Variants in PALM2AKAP2 observed in about 807,000 individuals in gnomAD.
PALM2AKAP2 encodes the protein PALM2-AKAP2 fusion protein.
In PALM2AKAP2, 37 loss-of-function variants were observed where a neutral mutation model predicts 71.5. That is an observed-to-expected ratio of 0.52 (90% CI 0.40 to 0.68). The LOEUF (loss-of-function observed/expected upper bound fraction) is 0.68. PALM2AKAP2 is among the 30% of genes least tolerant of loss of function. The pLI, the probability that PALM2AKAP2 is intolerant of heterozygous loss-of-function variation, is 0.00. For synonymous variants in PALM2AKAP2, 468 were observed against 478.8 expected, an observed-to-expected ratio of 0.98 and a Z score of 0.29; for missense variants, 1,224 against 1,191.8, an observed-to-expected ratio of 1.03 and a Z score of -0.40.
Position 109,692,935 on chromosome 9 carries a change from C to T in PALM2AKAP2, c.5+52069C>T, listed in dbSNP as rs545747543. ...CCTCCATCTCTCTTTTCTCTCCTTC[C>T]TTTCCTTCCTTTCTTTTTCTTCTTT... On this transcript the variant is annotated intron_variant, in intron 1 of 6. Transcript: ENST00000374531. 3.3e-5 allele frequency among the ~76,000 whole-genome samples: 5 copies of T among 151,668 alleles called. No individual in the cohort carries two copies. In the East Asian group the frequency reaches 5.8e-4, roughly 18 times the overall value.
At chr9:109,930,234 T>G (rs1240160150) in intron 5 of PALM2AKAP2, among the ~76,000 whole-genome samples, 1 of 152,052 alleles carries the variant, frequency 6.6e-6, no homozygotes, top group Non-Finnish European at 1.5e-5. Context: ...AAATCTATTT[T>G]TTTTTTTTTG....
chr9:109,826,525 T>C (rs1320056584), intron 1 of PALM2AKAP2, among the ~76,000 whole-genome samples: 4 of 152,194 alleles, frequency 2.6e-5, no homozygotes, highest in African/African-American at 9.7e-5. Flanking sequence ...TTTTAGAAGA[T>C]AGTGATGCTA....
chr9:110,074,233 TC>T, intron 1 of PALM2AKAP2, among the ~76,000 whole-genome samples: 1 of 152,158 alleles, frequency 6.6e-6, no homozygotes, highest in African/African-American at 2.4e-5. Flanking sequence ...ACACCTATAA[TC>T]CTAGCTACTT....
At chr9:109,768,911 A>G (rs941762759) in intron 1 of PALM2AKAP2, among the ~76,000 whole-genome samples, 3 of 152,170 alleles carry the variant, frequency 2.0e-5, no homozygotes, top group Non-Finnish European at 4.4e-5. Flanking sequence ...CTTGCACCTA[A>G]GAGTTTGAGA....
intron 1 of PALM2AKAP2, among the ~76,000 whole-genome samples, chr9:109,798,306 G>A (rs1223117778): frequency 2.0e-5 from 3 of 152,130 alleles, no homozygotes; most frequent in East Asian, 1.9e-4. Flanking sequence ...ATATCTTTCT[G>A]GGGACAGGGT....
chr9:109,736,595 T>C (rs1417311110), intron 1 of PALM2AKAP2, among the ~76,000 whole-genome samples: 1 of 152,032 alleles, frequency 6.6e-6, no homozygotes, highest in African/African-American at 2.4e-5. Context: ...ATTTTAAAAT[T>C]TAATTTATTT....
chr9:110,128,788 T>C (rs1249692278), intron 1 of PALM2AKAP2, among the ~76,000 whole-genome samples: 1 of 152,222 alleles, frequency 6.6e-6, no homozygotes, highest in African/African-American at 2.4e-5. Context: ...ACCTTTCTGC[T>C]CTCCGCCTGG....
intron 6 of PALM2AKAP2, among the ~76,000 whole-genome samples, chr9:109,983,643 T>C (rs935574124): frequency 7.9e-5 from 12 of 152,080 alleles, no homozygotes; most frequent in African/African-American, 2.9e-4. Context: ...AGTGGATGGA[T>C]CACTTGAGGC....
chr9:110,161,146 G>A (rs931896081), intron 3 of PALM2AKAP2, among the ~76,000 whole-genome samples: 1 of 152,188 alleles, frequency 6.6e-6, no homozygotes, highest in African/African-American at 2.4e-5. Flanking sequence ...AAAGGAGAGA[G>A]AAGAGCTCCT....
At chr9:109,998,645 T>C (rs1417189048) in intron 6 of PALM2AKAP2, among the ~76,000 whole-genome samples, 2 of 151,136 alleles carry the variant, frequency 1.3e-5, no homozygotes, top group East Asian at 1.9e-4. Context: ...GGGGAGCCTG[T>C]AGTCTCAGCT....
chr9:110,128,959 T>A (rs979557757), intron 1 of PALM2AKAP2, among the ~76,000 whole-genome samples: 1 of 152,248 alleles, frequency 6.6e-6, no homozygotes, highest in African/African-American at 2.4e-5. Flanking sequence ...TCTGTGCAAA[T>A]GTAAACAGGC....
chr9:109,787,667 C>T (rs558061183), intron 1 of PALM2AKAP2, among the ~76,000 whole-genome samples: 7 of 152,256 alleles, frequency 4.6e-5, no homozygotes, highest in East Asian at 1.9e-4. Context: ...CTTGTGAGAA[C>T]GTGGGTCTTA....
rs59242587 is a variant in PALM2AKAP2, at chr9:110,011,012, A to ATATATATATATATATAT, written c.497-4942_497-4941insTATATATATATATATAT. The stretch of plus-strand genomic sequence containing the variant: ...ACTCTGTCTCAAAAAAAAAAAAAAA[A>ATATATATATATATATAT]AAATATATATATATATATATATATA... On this transcript the variant is annotated intron_variant, in intron 6 of 9. Transcript: ENST00000302798. Among the ~76,000 whole-genome samples, 872 of 89,704 alleles carry ATATATATATATATATAT rather than the reference A, an allele frequency of 9.7e-3. 2 individuals are homozygous for ATATATATATATATATAT. Among genetic ancestry groups the ATATATATATATATATAT allele is most frequent in the Non-Finnish European group, 0.012 (594 of 48,994 alleles). 58.8% of individuals were successfully genotyped at this position (89,704 alleles called of 152,430 possible). A position where few individuals can be genotyped will look rare whatever the true frequency, so the allele number is the denominator to read the frequency against.
At chr9:109,816,287 TTGAGGA>T (rs1827850046) in intron 1 of PALM2AKAP2, among the ~76,000 whole-genome samples, 2 of 152,162 alleles carry the variant, frequency 1.3e-5, no homozygotes. Context: ...GGCAAGATTG[TTGAGGA>T]TATAGGAAGA....
At chr9:109,750,301 A>G (rs115184858) in intron 1 of PALM2AKAP2, among the ~76,000 whole-genome samples, 4,565 of 152,330 alleles carry the variant, frequency 0.03, 221 homozygotes, top group African/African-American at 0.1. Context: ...GCCAATTTCA[A>G]TAGCCTGTTG....
intron 1 of PALM2AKAP2, among the ~76,000 whole-genome samples, chr9:109,689,334 A>C (rs1448527216): frequency 6.6e-6 from 1 of 150,748 alleles, no homozygotes; most frequent in African/African-American, 2.4e-5. Flanking sequence ...TCCTGAGTAG[A>C]TGGGATTACA....
chr9:109,688,104 A>G (rs532910871), intron 1 of PALM2AKAP2, among the ~76,000 whole-genome samples: 10 of 152,342 alleles, frequency 6.6e-5, no homozygotes, highest in Admixed American at 2.0e-4. Context: ...ACAGATCACC[A>G]TAACAGATAT....
chr9:109,715,742 T>TA (rs1282532799), intron 1 of PALM2AKAP2, among the ~76,000 whole-genome samples: 1 of 152,246 alleles, frequency 6.6e-6, no homozygotes, highest in Non-Finnish European at 1.5e-5. Flanking sequence ...CCCAAGTACT[T>TA]AAACACTCAT....
Position 109,826,056 on chromosome 9 carries a change from C to G in PALM2AKAP2, c.46-41435C>G, listed in dbSNP as rs923357993. On this transcript the variant is annotated intron_variant, in intron 1 of 9. Transcript: ENST00000302798. ...GCCATAAAAAAGGATGGGTTCATGT[C>G]CTTTGTAGGGACATGGATGAAGCTG... is the stretch of plus-strand genomic sequence containing the variant. 7.8e-4 allele frequency among the ~76,000 whole-genome samples: 119 copies of G among 152,240 alleles called. 1 individual carries two copies. The highest frequency in any genetic ancestry group is 3.4e-3 in the Middle Eastern group (1 of 294).
Sources: gnomAD v4.1 joint callset for allele counts (sites outside exome capture counted in the v4.1 genomes callset) on GRCh38, gnomAD v4.1.1 for gene constraint, MANE v1.5 for transcripts, NCBI Gene and HGNC (gene_info 2026-07-23, HGNC 2026-07-21) for gene names.